TBCEL: variants seen among roughly 807,000 people sequenced by gnomAD.
The protein encoded by TBCEL is tubulin-specific chaperone cofactor E-like protein.
Under a neutral mutation model 44.2 loss-of-function variants are expected in TBCEL, and 15 were observed. The observed-to-expected ratio is 0.34, with a 90% CI of 0.23 to 0.52. TBCEL has a LOEUF of 0.52. Ranked by LOEUF, TBCEL falls within the 20% of genes least tolerant of loss-of-function variation. TBCEL has a pLI of 0.95. For missense variants in TBCEL, 319 were observed against 506.3 expected, an observed-to-expected ratio of 0.63 and a Z score of 3.55; for synonymous variants, 171 against 185.4, an observed-to-expected ratio of 0.92 and a Z score of 0.63.
At chr11:121,069,837 C>T (rs1945893011) in intron 8 of TBCEL, among the ~76,000 whole-genome samples, 2 of 151,752 alleles carry the variant, frequency 1.3e-5, no homozygotes, top group African/African-American at 2.4e-5. Flanking sequence ...ACATATTATG[C>T]TGGGGAGGAA....
intron 8 of TBCEL, among the ~76,000 whole-genome samples, chr11:121,069,785 GTC>G (rs1298732818): frequency 6.6e-6 from 1 of 151,274 alleles, no homozygotes; most frequent in Non-Finnish European, 1.5e-5. Context: ...AAGCTAGACT[GTC>G]TGAAAAAAAA....
At chr11:121,034,867 G>T (rs181014430) in intron 1 of TBCEL, among the ~76,000 whole-genome samples, 1 of 152,132 alleles carries the variant, frequency 6.6e-6, no homozygotes, top group Admixed American at 6.5e-5. Flanking sequence ...ATCTGAAAAC[G>T]CTTCATCTCT....
At chr11:121,070,730 CATT>C (rs1221954491) in intron 8 of TBCEL, among the ~76,000 whole-genome samples, 1 of 151,078 alleles carries the variant, frequency 6.6e-6, no homozygotes, top group Non-Finnish European at 1.5e-5. Context: ...GGAGGGATAG[CATT>C]AGGAGAAATA....
chr11:121,038,324 G>A (rs552269469), intron 2 of TBCEL, among the ~76,000 whole-genome samples: 7 of 152,060 alleles, frequency 4.6e-5, no homozygotes, highest in South Asian at 2.1e-4. Context: ...ACCTTTATTC[G>A]TTGATTTATT....
At position 121,061,322 on chromosome 11, in the gene TBCEL, A is replaced by G. The variant is rs11218132; in HGVS notation, c.956+1237A>G. Among the ~76,000 whole-genome samples the G allele has an allele frequency of 7.0e-4, 107 of 152,106 alleles. No homozygotes were observed. The East Asian group carries it at 0.013, about 19-fold the overall frequency. ...TTATAGCTTTGAGCATAAGTCTGCC[A>G]TCAGAGTTTATTTAACTTCCAGTCT... On this transcript the variant is annotated intron_variant, in intron 8 of 8. Coordinates refer to ENST00000683345, the MANE Select transcript of TBCEL (RefSeq NM_001363644.2).
At chr11:121,082,567 G>C (rs1160393287) in intron 8 of TBCEL, among the ~76,000 whole-genome samples, 4 of 152,228 alleles carry the variant, frequency 2.6e-5, no homozygotes, top group African/African-American at 4.8e-5. Flanking sequence ...GTGATTTTAA[G>C]TAGAGGAGTG....
In TBCEL at chr11:121,090,326, C is replaced by T. The variant is rs1946272496; in HGVS notation, c.*3230C>T. 2.0e-5 allele frequency: 3 copies of T among 152,134 alleles called. No homozygotes were observed. 9.4% of individuals were successfully genotyped at this position (152,134 alleles called of 1,614,324 possible). A position where few individuals can be genotyped will look rare whatever the true frequency, so the allele number is the denominator to read the frequency against. ...GCTGATCACCATTTGAGATACGCGG[C>T]TTAACGCACATGTGAGTGTAGCTTG... is the stretch of plus-strand genomic sequence containing the variant. On this transcript the variant is annotated 3_prime_UTR_variant, in exon 9 of 9. Coordinates refer to ENST00000683345, the MANE Select transcript of TBCEL (RefSeq NM_001363644.2).
At chr11:121,037,533 G>C (rs189203066) in intron 2 of TBCEL, among the ~76,000 whole-genome samples, 1 of 152,292 alleles carries the variant, frequency 6.6e-6, no homozygotes. Flanking sequence ...ATATGGGAGA[G>C]ATAGCTGTCA....
Position 121,042,536 on chromosome 11 carries a change from C to G in TBCEL, c.-17-3138C>G, listed in dbSNP as rs532922162. 9.2e-5 allele frequency among the ~76,000 whole-genome samples: 14 copies of G among 152,280 alleles called. No homozygotes were observed. The South Asian group carries it at 1.7e-3, about 18-fold the overall frequency. On this transcript the variant is annotated intron_variant, in intron 2 of 8. Coordinates refer to ENST00000683345, the MANE Select transcript of TBCEL (RefSeq NM_001363644.2). ...TGTGTGGTTAGAAAGAACAAAGTGTCTTGTACTAAAACAAACTCTTATCTT... is the reference window on the plus strand; with the variant it reads ...TGTGTGGTTAGAAAGAACAAAGTGTGTTGTACTAAAACAAACTCTTATCTT...
intron 4 of TBCEL, among the ~76,000 whole-genome samples, chr11:121,051,157 C>T (rs11218126): frequency 0.33 from 50,610 of 151,336 alleles, 9,370 homozygotes; most frequent in African/African-American, 0.5. Flanking sequence ...TTCAGTTTTA[C>T]CTTTTAGGAT....
intron 8 of TBCEL, 123 bp downstream of exon 8, chr11:121,060,208 T>C: frequency 1.5e-6 from 1 of 656,100 alleles, no homozygotes; most frequent in Non-Finnish European, 2.6e-6. Context: ...GTTAATACGT[T>C]AAAAAAAAGG....
intron 8 of TBCEL, among the ~76,000 whole-genome samples, chr11:121,085,096 T>A (rs1381578954): frequency 6.6e-6 from 1 of 152,012 alleles, no homozygotes; most frequent in Admixed American, 6.5e-5. Flanking sequence ...TGGAGTGCAG[T>A]GGCACAATCT....
At chr11:121,076,828 T>C (rs979464861) in intron 8 of TBCEL, among the ~76,000 whole-genome samples, 1 of 152,036 alleles carries the variant, frequency 6.6e-6, no homozygotes, top group African/African-American at 2.4e-5. Flanking sequence ...TTAAGGACAT[T>C]TCCTTCTATT....
At chr11:121,061,071 G>A (rs562225485) in intron 8 of TBCEL, among the ~76,000 whole-genome samples, 1 of 152,118 alleles carries the variant, frequency 6.6e-6, no homozygotes, top group African/African-American at 2.4e-5. Flanking sequence ...TAAAGCCTAA[G>A]CATTTAAGAA....
At chr11:121,079,166 G>A (rs999348139) in intron 8 of TBCEL, among the ~76,000 whole-genome samples, 3 of 152,170 alleles carry the variant, frequency 2.0e-5, no homozygotes, top group African/African-American at 7.2e-5. Context: ...AATAATTCTG[G>A]AGGTAGGTGA....
At chr11:121,083,802 C>T (rs768035765) in intron 8 of TBCEL, among the ~76,000 whole-genome samples, 4 of 152,076 alleles carry the variant, frequency 2.6e-5, no homozygotes, top group Non-Finnish European at 4.4e-5. Flanking sequence ...TCTTATTTCT[C>T]ATTTTAGAAT....
intron 1 of TBCEL, chr11:121,035,806 T>C: frequency 6.6e-6 from 1 of 152,222 alleles, no homozygotes; most frequent in East Asian, 1.9e-4. Context: ...TCTTGCTTTT[T>C]GGAAGGATGG....
At chr11:121,071,748 A>G (rs1945937732) in intron 8 of TBCEL, among the ~76,000 whole-genome samples, 1 of 152,130 alleles carries the variant, frequency 6.6e-6, no homozygotes, top group Admixed American at 6.5e-5. Flanking sequence ...AATAGAGCTG[A>G]TTGTATCTCC....
At chr11:121,026,067 A>C (rs1346433520) in intron 1 of TBCEL, among the ~76,000 whole-genome samples, 1 of 152,170 alleles carries the variant, frequency 6.6e-6, no homozygotes, top group Non-Finnish European at 1.5e-5. Context: ...AAACATCCCA[A>C]ATTCTTCTTA....
Sources: allele counts gnomAD v4.1 joint callset (sites outside exome capture counted in the v4.1 genomes callset), GRCh38; gene constraint gnomAD v4.1.1; transcripts MANE v1.5; gene names NCBI Gene and HGNC (gene_info 2026-07-23, HGNC 2026-07-21).